UBE2F: variants seen among roughly 807,000 people sequenced by gnomAD.
UBE2F encodes ubiquitin conjugating enzyme E2 F (putative), also known as NEDD8-conjugating enzyme UBE2F.
Under a neutral mutation model 29.6 loss-of-function variants are expected in UBE2F, and 5 were observed. That is an observed-to-expected ratio of 0.17 (90% confidence interval 0.09 to 0.36). The LOEUF (loss-of-function observed/expected upper bound fraction) is 0.36, where lower values mean the gene tolerates loss of function less well. UBE2F is among the 10% of genes least tolerant of loss of function. UBE2F has a pLI of 1.00. For synonymous variants in UBE2F, 66 were observed against 81.8 expected, an observed-to-expected ratio of 0.81 and a Z score of 1.04; for missense variants, 141 against 228.5, an observed-to-expected ratio of 0.62 and a Z score of 2.47.
intron 6 of UBE2F, among the ~76,000 whole-genome samples, chr2:238,026,661 C>T (rs1448394694): frequency 6.6e-6 from 1 of 152,126 alleles, no homozygotes; most frequent in Non-Finnish European, 1.5e-5. Context: ...TCTCAATCTC[C>T]TGACCTTGTG....
At chr2:238,025,163 A>G (rs943808416) in intron 5 of UBE2F, 179 bp from the exon 6 acceptor site, 44 of 613,960 alleles carry the variant, frequency 7.2e-5, no homozygotes, top group Non-Finnish European at 2.1e-5. Context: ...GCATCAACAC[A>G]TGCCTCATGG....
intron 4 of UBE2F, among the ~76,000 whole-genome samples, chr2:238,003,688 CTT>C (rs1363373572): frequency 6.6e-6 from 1 of 152,232 alleles, no homozygotes; most frequent in Admixed American, 6.5e-5. Flanking sequence ...TACCACCACT[CTT>C]TAAGTTTCCC....
intron 6 of UBE2F, among the ~76,000 whole-genome samples, chr2:238,026,299 C>A (rs189941475): frequency 2.0e-5 from 3 of 152,334 alleles, no homozygotes; most frequent in Non-Finnish European, 4.4e-5. Flanking sequence ...ACATGAAATG[C>A]AATTAGTGGC....
rs371477218 is a variant in UBE2F, at chr2:238,025,445, CGTGA to C, written c.353+37_353+40del. ...TATTGTCTTTTCTTTCTTCTACATT[CGTGA>C]GTGTCATGTGCAAGCGTTGGGCTTT... is the stretch of plus-strand genomic sequence containing the variant. On this transcript the variant is annotated intron_variant, in intron 6 of 9. Coordinates refer to ENST00000272930, the MANE Select transcript of UBE2F (RefSeq NM_080678.3). The C allele has an allele frequency of 9.1e-5, 143 of 1,575,206 alleles. No individual in the cohort carries two copies. In the African/African-American group the frequency reaches 1.5e-3, roughly 16 times the overall value.
At chr2:238,014,295 A>G (rs971731713) in intron 4 of UBE2F, among the ~76,000 whole-genome samples, 3 of 152,250 alleles carry the variant, frequency 2.0e-5, no homozygotes, top group Non-Finnish European at 2.9e-5. Context: ...AAGAGGGAAA[A>G]AGAAGTACTG....
intron 2 of UBE2F, among the ~76,000 whole-genome samples, chr2:237,981,172 C>T (rs1328395248): frequency 2.0e-5 from 3 of 152,078 alleles, no homozygotes; most frequent in Admixed American, 6.6e-5. Flanking sequence ...AGGTGGGTGG[C>T]GTTCTTCAGG....
intron 6 of UBE2F, among the ~76,000 whole-genome samples, chr2:238,026,382 C>T (rs910678981): frequency 1.3e-5 from 2 of 152,172 alleles, no homozygotes; most frequent in Admixed American, 1.3e-4. Flanking sequence ...ACACTAATCA[C>T]CTTTGAAAGG....
intron 6 of UBE2F, among the ~76,000 whole-genome samples, chr2:238,026,567 G>A (rs2064435749): frequency 6.6e-6 from 1 of 152,072 alleles, no homozygotes; most frequent in South Asian, 2.1e-4. Context: ...CCGAGTAGCT[G>A]GGACTACAGG....
At chr2:237,987,328 ATTTC>A (rs1285676479) in intron 2 of UBE2F, among the ~76,000 whole-genome samples, 2 of 152,008 alleles carry the variant, frequency 1.3e-5, no homozygotes, top group East Asian at 1.9e-4. Context: ...GGATAATTTT[ATTTC>A]TTTCTTTCTA....
At chr2:238,006,616 A>C (rs548906986) in intron 4 of UBE2F, among the ~76,000 whole-genome samples, 112 of 152,328 alleles carry the variant, frequency 7.4e-4, no homozygotes, top group Middle Eastern at 6.8e-3. Flanking sequence ...CCATCTATGC[A>C]TAAAGACAAT....
At chr2:237,991,609 C>CTTTCTTTTTTTGTTTTT (rs57180067) in intron 3 of UBE2F, among the ~76,000 whole-genome samples, 1 of 53,054 alleles carries the variant, frequency 1.9e-5, no homozygotes, top group Non-Finnish European at 3.5e-5. Flanking sequence ...TTCTTTCTTT[C>CTTTCTTTTTTTGTTTTT]TTTTTTTTTT....
intron 4 of UBE2F, among the ~76,000 whole-genome samples, chr2:238,001,660 A>G (rs1265312878): frequency 1.3e-5 from 2 of 151,968 alleles, no homozygotes; most frequent in African/African-American, 2.4e-5. Context: ...TCCTAAAAGT[A>G]CAAAACAAAA....
intron 4 of UBE2F, among the ~76,000 whole-genome samples, chr2:238,000,102 G>T (rs186392914): frequency 1.3e-5 from 2 of 152,098 alleles, no homozygotes; most frequent in Admixed American, 6.5e-5. Context: ...GATTACAAGC[G>T]TGAGCCACTG....
intron 9 of UBE2F, among the ~76,000 whole-genome samples, chr2:238,038,793 C>T (rs377756102): frequency 2.0e-5 from 3 of 152,360 alleles, no homozygotes. Context: ...CTGGTGAGCA[C>T]CGCATCCTTA....
intron 3 of UBE2F, among the ~76,000 whole-genome samples, chr2:237,993,766 A>G (rs1223505588): frequency 6.6e-6 from 1 of 152,206 alleles, no homozygotes; most frequent in Non-Finnish European, 1.5e-5. Context: ...AAATTTCTAT[A>G]TATATTCCTT....
rs2063401232 is a variant in UBE2F at position 237,982,510 on chromosome 2, C to T, written c.119-5453C>T. 6.6e-6 allele frequency among the ~76,000 whole-genome samples: 1 copy of T among 151,962 alleles called. No individual in the cohort carries two copies. The highest frequency in any genetic ancestry group is 1.5e-5 in the Non-Finnish European group (1 of 67,998). ...TGCCGTCTGGACACATTTCTAAATT[C>T]CCGTAGGAAAAGCTGGATGACAGGA... On this transcript the variant is annotated intron_variant, in intron 2 of 9. Transcript: ENST00000272930. This position sits in a 1 kb window ranked among gnomAD's most constrained non-coding sequence, Gnocchi z 4.1.
chr2:238,018,971 C>T (rs1202559277), intron 5 of UBE2F, among the ~76,000 whole-genome samples: 1 of 152,040 alleles, frequency 6.6e-6, no homozygotes, highest in Non-Finnish European at 1.5e-5. Flanking sequence ...GACTTGTTTC[C>T]CTTATTAGTT....
chr2:238,035,177 C>G (rs982812238), intron 8 of UBE2F: 2 of 152,514 alleles, frequency 1.3e-5, no homozygotes, highest in Non-Finnish European at 2.9e-5. Context: ...CAGGCGTGAG[C>G]CACCGTGCCC....
chr2:238,022,407 T>C (rs551855059), intron 5 of UBE2F, among the ~76,000 whole-genome samples: 61 of 152,358 alleles, frequency 4.0e-4, no homozygotes, highest in South Asian at 1.7e-3. Context: ...CTAGATTTAC[T>C]AGAGTCCTTA....
Sources: allele counts gnomAD v4.1 joint callset (sites outside exome capture counted in the v4.1 genomes callset), GRCh38; gene constraint gnomAD v4.1.1; non-coding constraint Gnocchi (gnomAD v3.1); transcripts MANE v1.5; gene names NCBI Gene and HGNC (gene_info 2026-07-23, HGNC 2026-07-21).